The following MEI1 variants were observed in gnomAD, a reference collection of about 807,000 sequenced individuals.
MEI1 encodes meiotic double-stranded break formation protein 1, also known as meiosis inhibitor protein 1.
A neutral mutation model predicts 146.2 loss-of-function variants in MEI1; 103 were observed. The ratio of observed to expected loss-of-function variants is 0.70; its 90% CI spans 0.60 to 0.83. The LOEUF is 0.83. MEI1 is among the 40% of genes least tolerant of loss of function. The pLI is 0.00. For synonymous variants in MEI1, 652 were observed against 628.2 expected, an observed-to-expected ratio of 1.04 and a Z score of -0.57; for missense variants, 1,529 against 1,533.0, an observed-to-expected ratio of 1.00 and a Z score of 0.04.
In MEI1 at chr22:41,729,728, G is replaced by C; in HGVS notation, c.928G>C (p.Val310Leu). The C allele has an allele frequency of 6.2e-7, 1 of 1,612,216 alleles. No homozygotes were observed. The highest frequency in any genetic ancestry group is 1.1e-5 in the South Asian group (1 of 90,538). ...TGCTCACTGTATAACTGCGGTGCTTGTCCACTCCCCAGCAAAGCATGCGTC... is the reference window on the plus strand; with the variant it reads ...TGCTCACTGTATAACTGCGGTGCTTCTCCACTCCCCAGCAAAGCATGCGTC... ...ASAHCITAVL[V>L]HSPAKHASAF... is the part of the protein sequence containing the mutation. The change falls in exon 8 of 31, where the codon GTC (valine) becomes CTC (leucine). Residue 310 changes from valine (V) to leucine (L), a missense_variant. Val to Leu is a conservative substitution (Grantham distance 32). Around this residue, in one of 3 missense-constraint regions of MEI1, gnomAD observed 1,212 missense variants for 1,178.9 expected, o/e 1.03. Coordinates refer to ENST00000401548, the MANE Select transcript of MEI1 (RefSeq NM_152513.4).
intron 30 of MEI1, among the ~76,000 whole-genome samples, chr22:41,798,494 C>T (rs976224857): frequency 1.3e-5 from 2 of 151,956 alleles, no homozygotes; most frequent in Non-Finnish European, 1.5e-5. Context: ...AGGAGAATCA[C>T]TGGAACCTGG....
chr22:41,733,335 G>A (rs377384872), intron 11 of MEI1, among the ~76,000 whole-genome samples: 2 of 152,034 alleles, frequency 1.3e-5, no homozygotes, highest in East Asian at 3.9e-4. Context: ...CTATAGTTCC[G>A]GCTGCTTGAA....
At chr22:41,778,202 C>G (rs983855259) in intron 21 of MEI1, among the ~76,000 whole-genome samples, 1 of 152,168 alleles carries the variant, frequency 6.6e-6, no homozygotes, top group Non-Finnish European at 1.5e-5. Flanking sequence ...GGAGGGAGCT[C>G]CTCGCAGTTT....
At chr22:41,773,792 T>A (rs1477125628) in intron 20 of MEI1, among the ~76,000 whole-genome samples, 2 of 152,066 alleles carry the variant, frequency 1.3e-5, no homozygotes, top group Non-Finnish European at 2.9e-5. Context: ...GAAGAATCGC[T>A]TGAACCCAGG....
rs185317519 is a variant in MEI1 at position 41,784,251 on chromosome 22, G to A, written c.3088-88G>A. 1.1e-5 allele frequency: 13 copies of A among 1,130,672 alleles called. No individual in the cohort carries two copies. The Admixed American group carries it at 2.2e-4, about 19-fold the overall frequency. The allele number at this position is 1,130,672 out of a possible 1,614,324, so 70.0% of individuals were successfully genotyped here. A position where few individuals can be genotyped will look rare whatever the true frequency, so the allele number is the denominator to read the frequency against. On this transcript the variant is annotated intron_variant, in intron 24 of 30. Transcript: ENST00000401548. ...TTTTGATGCAGTGGATATGTGGGGG[G>A]AGGTGATAGAAGAGATTTTCAGGCA... is the stretch of plus-strand genomic sequence containing the variant.
intron 18 of MEI1, among the ~76,000 whole-genome samples, chr22:41,759,681 C>T (rs1485881439): frequency 6.3e-4 from 91 of 144,744 alleles, no homozygotes; most frequent in African/African-American, 2.4e-3. Flanking sequence ...ATACAAAAAT[C>T]AGCCGGGCAT....
In MEI1 at chr22:41,729,661, C is replaced by G. The variant is rs757556842; in HGVS notation, c.865-4C>G. 6.9e-6 allele frequency: 11 copies of G among 1,602,610 alleles called. No individual in the cohort carries two copies. Among genetic ancestry groups the G allele is most frequent in the Non-Finnish European group, 8.5e-6 (10 of 1,173,574 alleles). ...GGGGTACTTTTTGCTGCCTGTTTCT[C>G]CAGCTTCTCCTCTCTAGAGATGAAA... is the stretch of plus-strand genomic sequence containing the variant. On this transcript the variant is annotated splice_region_variant and splice_polypyrimidine_tract_variant and intron_variant, in intron 7 of 30. Coordinates refer to ENST00000401548, the MANE Select transcript of MEI1 (RefSeq NM_152513.4).
At chr22:41,755,281 C>T (rs1047719788) in intron 17 of MEI1, among the ~76,000 whole-genome samples, 3 of 152,040 alleles carry the variant, frequency 2.0e-5, no homozygotes, top group Non-Finnish European at 4.4e-5. Context: ...GGCTCTTTTC[C>T]CCCTTATTAT....
In MEI1 at chr22:41,699,688, G is replaced by A. The variant is rs747956554; in HGVS notation, c.150G>A (p.Glu50=). ...GCCTGTGCCTGGCCTGCGCGCTGGA[G>A]CTGCTGCCGGACCCCGGCGTGTCGG... is the stretch of plus-strand genomic sequence containing the variant. The part of the protein sequence containing the change: ...TPRLCLACAL[E]LLPDPGVSLV... The change falls in exon 1 of 31, where the codon GAG becomes GAA. Residue 50 remains glutamate (E), a synonymous_variant. Coordinates refer to ENST00000401548, the MANE Select transcript of MEI1 (RefSeq NM_152513.4). The A allele has an allele frequency of 1.3e-6, 2 of 1,586,338 alleles. No homozygotes were observed. The highest frequency in any genetic ancestry group is 1.1e-5 in the South Asian group (1 of 87,932).
chr22:41,788,440 G>C (rs1293925845), intron 26 of MEI1, among the ~76,000 whole-genome samples: 2 of 148,974 alleles, frequency 1.3e-5, no homozygotes, highest in African/African-American at 4.9e-5. Flanking sequence ...AGGTTTGTGG[G>C]TTTTGTTTTG....
intron 3 of MEI1, 82 bp from the exon 4 acceptor site, chr22:41,713,920 A>C: frequency 8.8e-7 from 1 of 1,142,856 alleles, no homozygotes; most frequent in Admixed American, 2.0e-5. Flanking sequence ...ACTATCCTGC[A>C]CTGATTGAGT....
intron 7 of MEI1, among the ~76,000 whole-genome samples, chr22:41,726,048 G>A (rs1408058069): frequency 1.3e-5 from 2 of 152,182 alleles, no homozygotes; most frequent in African/African-American, 4.8e-5. Flanking sequence ...GGGAGACCGG[G>A]ACGGGTGGAT....
At chr22:41,784,833 A>AG in intron 26 of MEI1, 50 bp downstream of exon 26, 1 of 1,479,420 alleles carries the variant, frequency 6.8e-7, no homozygotes, top group Non-Finnish European at 9.0e-7. Flanking sequence ...AACAGCAGGA[A>AG]GGGGTGGCTG....
intron 17 of MEI1, among the ~76,000 whole-genome samples, chr22:41,757,460 C>T (rs1347687063): frequency 1.3e-5 from 2 of 152,044 alleles, no homozygotes; most frequent in African/African-American, 4.8e-5. Context: ...CAGGTTCAAG[C>T]GATTCTCCCA....
chr22:41,731,546 G>A (rs772427612), intron 9 of MEI1, among the ~76,000 whole-genome samples: 10 of 151,822 alleles, frequency 6.6e-5, no homozygotes, highest in Non-Finnish European at 7.4e-5. Flanking sequence ...TAGTAGAGAC[G>A]GGGGTCTCTC....
intron 3 of MEI1, among the ~76,000 whole-genome samples, chr22:41,710,497 T>C (rs1325305891): frequency 2.0e-5 from 3 of 152,228 alleles, no homozygotes; most frequent in Non-Finnish European, 2.9e-5. Context: ...CATCAAAATA[T>C]ATACCACATG....
chr22:41,769,809 A>G (rs1033965287), intron 19 of MEI1, among the ~76,000 whole-genome samples: 1 of 151,730 alleles, frequency 6.6e-6, no homozygotes, highest in African/African-American at 2.4e-5. Flanking sequence ...TGGGAATGCA[A>G]TGGGAAGAGG....
At chr22:41,737,911 A>T (rs1427580876) in intron 11 of MEI1, among the ~76,000 whole-genome samples, 1 of 123,840 alleles carries the variant, frequency 8.1e-6, no homozygotes, top group East Asian at 1.9e-4. Context: ...TTGAAATCTT[A>T]AAAAATAATA....
rs578014156 is a variant in MEI1, at chr22:41,704,549, G to T, written c.299-955G>T. ...CTGTCTCAGCCTCCCGAGTAGCTGGGATTACAGGCATGTGCCACCATGCCC... is the reference window on the plus strand; with the variant it reads ...CTGTCTCAGCCTCCCGAGTAGCTGGTATTACAGGCATGTGCCACCATGCCC... On this transcript the variant is annotated intron_variant, in intron 2 of 30. Transcript: ENST00000401548. 3.3e-5 allele frequency among the ~76,000 whole-genome samples: 5 copies of T among 152,004 alleles called. No individual in the cohort carries two copies. In the South Asian group the frequency reaches 1.0e-3, roughly 32 times the overall value.
Sources: allele counts gnomAD v4.1 joint callset (sites outside exome capture counted in the v4.1 genomes callset), GRCh38; gene constraint gnomAD v4.1.1; regional missense constraint gnomAD v4.1.1; transcripts MANE v1.5; gene names NCBI Gene and HGNC (gene_info 2026-07-23, HGNC 2026-07-21).